The following SYNPR variants were observed in gnomAD, a reference collection of about 807,000 sequenced individuals.
The protein encoded by SYNPR is synaptoporin.
In SYNPR, 23 loss-of-function variants were observed where a neutral mutation model predicts 32.9. That is an observed-to-expected ratio of 0.70 (90% CI 0.50 to 0.99). The LOEUF (loss-of-function observed/expected upper bound fraction) is 0.99. Among genes scored for constraint, SYNPR ranks in the 50% least tolerant of loss-of-function variants. The probability of loss-of-function intolerance (pLI) is 0.00; values close to 1 mark genes in which losing one functional copy is unlikely to be tolerated. For missense variants in SYNPR, 318 were observed against 349.3 expected (o/e 0.91, Z 0.71); for synonymous variants, 146 against 135.9 (o/e 1.07, Z -0.52).
chr3:63,583,168 G>A (rs1703122510), intron 4 of SYNPR, among the ~76,000 whole-genome samples: 1 of 152,062 alleles, frequency 6.6e-6, no homozygotes, highest in African/African-American at 2.4e-5. Context: ...AATGTCACAA[G>A]GTCAGTTGAT....
At chr3:63,494,476 T>TATATACAC (rs1208627224) in intron 3 of SYNPR, among the ~76,000 whole-genome samples, 3 of 118,400 alleles carry the variant, frequency 2.5e-5, no homozygotes, top group Non-Finnish European at 3.5e-5. Context: ...TACACATATA[T>TATATACAC]ACATATATAT....
chr3:63,595,876 T>TA (rs1699948981), intron 4 of SYNPR, among the ~76,000 whole-genome samples: 1 of 91,304 alleles, frequency 1.1e-5, no homozygotes, highest in Non-Finnish European at 2.2e-5. Context: ...TATATATAAT[T>TA]TTATATATAT....
intron 4 of SYNPR, among the ~76,000 whole-genome samples, chr3:63,559,109 C>T (rs1702641109): frequency 6.7e-6 from 1 of 150,050 alleles, no homozygotes; most frequent in Non-Finnish European, 1.5e-5. Flanking sequence ...TTACTGTCAC[C>T]CAGGCTGCTG....
intron 2 of SYNPR, among the ~76,000 whole-genome samples, chr3:63,333,418 G>A (rs151147396): frequency 3.9e-5 from 6 of 152,076 alleles, no homozygotes; most frequent in African/African-American, 1.4e-4. Flanking sequence ...TGAACAGGGG[G>A]AATTTCTTTC....
intron 2 of SYNPR, among the ~76,000 whole-genome samples, chr3:63,348,709 G>A (rs139340266): frequency 4.8e-4 from 73 of 152,220 alleles, no homozygotes; most frequent in African/African-American, 1.7e-3. Flanking sequence ...TTTTTATAGG[G>A]TGAGAGATAG....
At chr3:63,446,551 A>G (rs900390248) in intron 2 of SYNPR, among the ~76,000 whole-genome samples, 3 of 152,168 alleles carry the variant, frequency 2.0e-5, no homozygotes, top group African/African-American at 7.2e-5. Context: ...ACTGACATAG[A>G]ATCAATAAGG....
At chr3:63,589,122 G>A (rs1462705439) in intron 4 of SYNPR, among the ~76,000 whole-genome samples, 1 of 152,014 alleles carries the variant, frequency 6.6e-6, no homozygotes, top group Non-Finnish European at 1.5e-5. Flanking sequence ...TTCCAGATAA[G>A]CCATTTTGTG....
intron 2 of SYNPR, among the ~76,000 whole-genome samples, chr3:63,440,275 T>C (rs1700148510): frequency 6.6e-6 from 1 of 152,032 alleles, no homozygotes; most frequent in Non-Finnish European, 1.5e-5. Flanking sequence ...TGAGTGTGGC[T>C]GAAGAGTAGG....
intron 2 of SYNPR, among the ~76,000 whole-genome samples, chr3:63,468,548 G>A (rs887490121): frequency 6.6e-6 from 1 of 150,554 alleles, no homozygotes; most frequent in African/African-American, 2.5e-5. Context: ...GCTCACGCCT[G>A]TAATCTCAAC....
chr3:63,508,017 T>C (rs575985326), intron 3 of SYNPR, among the ~76,000 whole-genome samples: 5 of 152,114 alleles, frequency 3.3e-5, no homozygotes, highest in Non-Finnish European at 7.4e-5. Flanking sequence ...GATGTTAACA[T>C]TGTAATCAAT....
At chr3:63,382,451 G>A (rs1028352604) in intron 2 of SYNPR, among the ~76,000 whole-genome samples, 2 of 152,234 alleles carry the variant, frequency 1.3e-5, no homozygotes, top group Non-Finnish European at 2.9e-5. Context: ...GTTGTTTTCA[G>A]TGGTGTTTGA....
At chr3:63,218,086 T>C in the SYNPR span, among the ~76,000 whole-genome samples, 3 of 152,272 alleles carry the variant, frequency 2.0e-5, no homozygotes, top group Non-Finnish European at 2.9e-5. Context: ...TGACCCAAGA[T>C]TGTGCCATTG....
At chr3:63,234,432 AAAGGTTTAT>A (rs2086186482) in intron 1 of SYNPR, among the ~76,000 whole-genome samples, 1 of 152,142 alleles carries the variant, frequency 6.6e-6, no homozygotes, top group African/African-American at 2.4e-5. Context: ...CCACTGGAGG[AAAGGTTTAT>A]AACTACATAG....
intron 4 of SYNPR, among the ~76,000 whole-genome samples, chr3:63,558,360 G>A (rs1308626157): frequency 6.6e-6 from 1 of 151,982 alleles, no homozygotes; most frequent in Non-Finnish European, 1.5e-5. Flanking sequence ...ATTTTATTGA[G>A]GCAGAGTCTC....
chr3:63,269,637 T>C (rs138038975), intron 3 of SYNPR, among the ~76,000 whole-genome samples: 167 of 152,368 alleles, frequency 1.1e-3, no homozygotes, highest in African/African-American at 3.8e-3. Context: ...GAAACACTGC[T>C]AGGTAAGCCT....
At chr3:63,431,763 G>A (rs1287396290) in intron 2 of SYNPR, among the ~76,000 whole-genome samples, 3 of 150,636 alleles carry the variant, frequency 2.0e-5, no homozygotes, top group African/African-American at 7.3e-5. Context: ...AAAAATCACT[G>A]AGAAGTACAG....
chr3:63,482,403 T>C (rs955642362), intron 3 of SYNPR, among the ~76,000 whole-genome samples: 1 of 152,148 alleles, frequency 6.6e-6, no homozygotes, highest in Non-Finnish European at 1.5e-5. Context: ...ACTCAGAAGC[T>C]CCATGTATAA....
chr3:63,506,976 G>T (rs1287263177), intron 3 of SYNPR, among the ~76,000 whole-genome samples: 2 of 151,916 alleles, frequency 1.3e-5, no homozygotes, highest in Non-Finnish European at 2.9e-5. Flanking sequence ...AAACACCACA[G>T]TGCAAAAGGA....
intron 3 of SYNPR, among the ~76,000 whole-genome samples, chr3:63,510,987 C>T (rs965235261): frequency 3.5e-5 from 5 of 144,004 alleles, no homozygotes; most frequent in African/African-American, 1.2e-4. Context: ...TGGTCTCCTG[C>T]ATCTGATTAT....
Sources: gnomAD v4.1 joint callset for allele counts (sites outside exome capture counted in the v4.1 genomes callset) on GRCh38, gnomAD v4.1.1 for gene constraint, MANE v1.5 for transcripts, NCBI Gene and HGNC (gene_info 2026-07-23, HGNC 2026-07-21) for gene names.